Variants in CHAF1A observed in about 807,000 individuals in gnomAD.
CHAF1A encodes the protein CAF-1 subunit A.
In CHAF1A, 5 loss-of-function variants were observed where a neutral mutation model predicts 93.2. The ratio of observed to expected loss-of-function variants is 0.05; its 90% CI spans 0.03 to 0.11. The LOEUF (loss-of-function observed/expected upper bound fraction) is 0.11, where lower values mean the gene tolerates loss of function less well. Ranked by LOEUF, CHAF1A falls within the 10% of genes least tolerant of loss-of-function variation. The pLI is 1.00. For missense variants in CHAF1A, 1,102 were observed against 1,259.9 expected, an observed-to-expected ratio of 0.87 and a Z score of 1.90; for synonymous variants, 504 against 510.3, an observed-to-expected ratio of 0.99 and a Z score of 0.17.
the CHAF1A span, chr19:4,450,785 AAGAG>A: frequency 6.8e-6 from 1 of 145,988 alleles, no homozygotes; most frequent in South Asian, 2.2e-4. Flanking sequence ...AAAAAAAAAA[AAGAG>A]TGCCTACAAA....
intron 3 of CHAF1A, among the ~76,000 whole-genome samples, chr19:4,410,721 C>G (rs1249196327): frequency 2.6e-5 from 4 of 152,190 alleles, no homozygotes; most frequent in Non-Finnish European, 5.9e-5. Flanking sequence ...CATGGTGGCA[C>G]ATGCCTGTAG....
At chr19:4,423,929 T>C (rs1029925292) in intron 7 of CHAF1A, 55 bp downstream of exon 7, 101 of 1,539,118 alleles carry the variant, frequency 6.6e-5, no homozygotes, top group Non-Finnish European at 8.7e-5. Context: ...ACTTTTCCTT[T>C]CTGAAAGTGA....
intron 7 of CHAF1A, 72 bp downstream of exon 7, chr19:4,423,946 C>T: frequency 1.4e-6 from 2 of 1,402,356 alleles, no homozygotes; most frequent in Admixed American, 1.7e-5. Flanking sequence ...GTGAAAGGGT[C>T]TCTCCCCAGC....
Position 4,413,322 on chromosome 19 carries a change from G to A in CHAF1A, c.960+3563G>A, listed in dbSNP as rs998340015. On this transcript the variant is annotated intron_variant, in intron 3 of 14. Transcript: ENST00000301280. Reference sequence around the variant, plus strand: ...CCTGACCTCGTGATCCGCCCGCCTCGGCCTCCCAAAGTGCTGGGATTACAG... The same window carrying A: ...CCTGACCTCGTGATCCGCCCGCCTCAGCCTCCCAAAGTGCTGGGATTACAG... Among the ~76,000 whole-genome samples, 6 of 152,096 alleles carry A rather than the reference G, an allele frequency of 3.9e-5. No homozygotes were observed. In the East Asian group the frequency reaches 5.8e-4, roughly 15 times the overall value.
chr19:4,420,506 G>T (rs1973972757), intron 4 of CHAF1A, among the ~76,000 whole-genome samples: 1 of 152,184 alleles, frequency 6.6e-6, no homozygotes, highest in South Asian at 2.1e-4. Context: ...GCTTCCCAAA[G>T]TGCTGGGATT....
In CHAF1A at chr19:4,422,510, C is replaced by T. The variant is rs977370227; in HGVS notation, c.1018-56C>T. 6.7e-7 allele frequency: 1 copy of T among 1,490,440 alleles called. No individual in the cohort carries two copies. The highest frequency in any genetic ancestry group is 1.4e-5 in the African/African-American group (1 of 71,696). 92.3% of individuals were successfully genotyped at this position (1,490,440 alleles called of 1,614,324 possible). A position where few individuals can be genotyped will look rare whatever the true frequency, so the allele number is the denominator to read the frequency against. On this transcript the variant is annotated intron_variant, in intron 4 of 14. Coordinates refer to ENST00000301280, the MANE Select transcript of CHAF1A (RefSeq NM_005483.3). This position sits in a 1 kb window ranked among gnomAD's most constrained non-coding sequence, Gnocchi z 4.6. ...GCTGTCCTCCATGCTGTGAACCGAG[C>T]TTCCTCCTGGGAGTTGGAGGGAGGG...
At chr19:4,443,436 C>CT (rs1319889592), downstream of CHAF1A, 6 of 201,492 alleles carry the variant, frequency 3.0e-5, no homozygotes, top group Non-Finnish European at 5.1e-5. Flanking sequence ...TTGTGTTTCT[C>CT]TGAGAGTGCA....
At position 4,432,104 on chromosome 19, in the gene CHAF1A, C is replaced by T. The variant is rs371300718; in HGVS notation, c.2100C>T (p.Asp700=). ...CTGACAGAGACTGCGCAGGCGATGA[C>T]CTGAAGGTACTGCAGCAGTTCGCAG... ...WAADRDCAGD[D]LKVLQQFAAC... Residue 700 remains aspartate, a synonymous_variant, in exon 12 of 15, where the codon GAC becomes GAT. Transcript: ENST00000301280. The T allele has an allele frequency of 2.7e-5, 44 of 1,613,914 alleles. 1 individual carries two copies. In the African/African-American group the frequency reaches 3.5e-4, roughly 13 times the overall value.
chr19:4,408,331 T>C (rs1182415872), intron 2 of CHAF1A, among the ~76,000 whole-genome samples: 1 of 151,730 alleles, frequency 6.6e-6, no homozygotes, highest in African/African-American at 2.4e-5. Flanking sequence ...TAGCTGGGAA[T>C]GCAGGCGCCC....
In CHAF1A at chr19:4,443,276, C is replaced by G; in HGVS notation, c.*251C>G. The G allele has an allele frequency of 6.3e-6, 3 of 479,272 alleles. No individual in the cohort carries two copies. The highest frequency in any genetic ancestry group is 2.2e-5 in the South Asian group (1 of 46,248). 29.7% of individuals were successfully genotyped at this position (479,272 alleles called of 1,614,324 possible). A position where few individuals can be genotyped will look rare whatever the true frequency, so the allele number is the denominator to read the frequency against. On this transcript the variant is annotated 3_prime_UTR_variant, in exon 15 of 15. Transcript: ENST00000301280. The stretch of plus-strand genomic sequence containing the variant: ...GGCCTATTGGGGAAGCCTGCGGGCA[C>G]AGGAGCAGGCGTGGAATCCAATACT...
At chr19:4,421,695 G>C (rs1973992681) in intron 4 of CHAF1A, among the ~76,000 whole-genome samples, 1 of 152,136 alleles carries the variant, frequency 6.6e-6, no homozygotes, top group South Asian at 2.1e-4. Context: ...AGGATCACTT[G>C]AGCCTGGGAG....
chr19:4,449,492 G>T (rs1416723709), downstream of CHAF1A: 1 of 152,620 alleles, frequency 6.6e-6, no homozygotes, highest in African/African-American at 2.4e-5. Flanking sequence ...GTGGGGAGCG[G>T]GACAGAGCAC....
intron 3 of CHAF1A, among the ~76,000 whole-genome samples, chr19:4,414,334 G>T (rs1202782296): frequency 6.6e-6 from 1 of 151,050 alleles, no homozygotes; most frequent in Non-Finnish European, 1.5e-5. Context: ...CAAGGAGGCA[G>T]AGGTTGCGGT....
At chr19:4,427,136 CTTTTTTTTTTTTTT>C (rs747750687) in intron 7 of CHAF1A, among the ~76,000 whole-genome samples, 1 of 31,948 alleles carries the variant, frequency 3.1e-5, no homozygotes, top group African/African-American at 1.5e-4. Flanking sequence ...AAGACCCTGT[CTTTTTTTTTTTTTT>C]TTTTTTTTTT....
chr19:4,409,235 G>A lies in CHAF1A; in HGVS notation c.436G>A (p.Ala146Thr). The A allele has an allele frequency of 6.2e-7, 1 of 1,614,170 alleles. No individual in the cohort carries two copies. The highest frequency in any genetic ancestry group is 2.2e-5 in the East Asian group (1 of 44,882). The change falls in exon 3 of 15, where the codon GCA becomes ACA. Residue 146 changes from alanine (A) to threonine (T), a missense_variant. By Grantham distance (58) the Ala-to-Thr change is moderately conservative. This residue lies in a region of CHAF1A where 379 missense variants were observed against 365.7 expected (regional missense o/e 1.04). Transcript: ENST00000301280. ...TTCTGAAGCCTCTCCCTCCAGGGAG[G>A]CAATAAATGGCCAGCGAGAAGACAC... is the stretch of plus-strand genomic sequence containing the variant. ...LNSEASPSRE[A>T]INGQREDTGD...
chr19:4,447,992 A>C, downstream of CHAF1A: 1 of 507,406 alleles, frequency 2.0e-6, no homozygotes. Context: ...GTTGGCGGGC[A>C]GCGTGGACCT....
At chr19:4,441,437 G>A (rs548411084) in intron 13 of CHAF1A, among the ~76,000 whole-genome samples, 2 of 151,426 alleles carry the variant, frequency 1.3e-5, no homozygotes, top group Non-Finnish European at 2.9e-5. Context: ...GTGAAACCCC[G>A]TCTCTACTAA....
chr19:4,405,069 C>T (rs1048577916), intron 1 of CHAF1A, among the ~76,000 whole-genome samples: 4 of 152,072 alleles, frequency 2.6e-5, no homozygotes, highest in Non-Finnish European at 5.9e-5. Flanking sequence ...AATAGGTAAT[C>T]TGATGTTTTC....
rs1974150660 is a variant in CHAF1A, at chr19:4,429,912, T to C, written c.1854+124T>C. 1.9e-5 allele frequency: 16 copies of C among 823,300 alleles called. No individual in the cohort carries two copies. The South Asian group carries it at 2.7e-4, about 14-fold the overall frequency. 51.0% of individuals were successfully genotyped at this position (823,300 alleles called of 1,614,324 possible). A position where few individuals can be genotyped will look rare whatever the true frequency, so the allele number is the denominator to read the frequency against. On this transcript the variant is annotated intron_variant, in intron 10 of 14. Coordinates refer to ENST00000301280, the MANE Select transcript of CHAF1A (RefSeq NM_005483.3). ...CACTGACAGCTGGTGTTTGACCTGC[T>C]GTGTGGTCTGAAACCTGAACGCACC...
Sources: gnomAD v4.1 joint callset for allele counts (sites outside exome capture counted in the v4.1 genomes callset) on GRCh38, gnomAD v4.1.1 for gene constraint, gnomAD v4.1.1 regional missense constraint, Gnocchi (gnomAD v3.1) non-coding constraint, MANE v1.5 for transcripts, NCBI Gene and HGNC (gene_info 2026-07-23, HGNC 2026-07-21) for gene names.